MAGI2: variants seen among roughly 807,000 people sequenced by gnomAD.
The protein encoded by MAGI2 is membrane-associated guanylate kinase, WW and PDZ domain-containing protein 2.
MAGI2 carries 35 observed loss-of-function variants against 133.3 expected under a neutral mutation model. The observed-to-expected ratio is 0.26, with a 90% CI of 0.20 to 0.35. MAGI2 has a LOEUF of 0.35. Ranked by LOEUF, MAGI2 falls within the 10% of genes least tolerant of loss-of-function variation. MAGI2 has a pLI of 1.00. For missense variants in MAGI2, 1,636 were observed against 1,863.4 expected (o/e 0.88, Z 2.25); for synonymous variants, 729 against 710.6 (o/e 1.03, Z -0.41).
At chr7:79,399,069 A>AGTATTAT (rs1355304258) in intron 1 of MAGI2, among the ~76,000 whole-genome samples, 7 of 126,720 alleles carry the variant, frequency 5.5e-5, no homozygotes, top group East Asian at 2.8e-4. Context: ...TCAATTCACT[A>AGTATTAT]GTATTATTTC....
intron 2 of MAGI2, among the ~76,000 whole-genome samples, chr7:78,795,662 G>T (rs77791960): frequency 6.6e-6 from 1 of 151,712 alleles, no homozygotes; most frequent in African/African-American, 2.4e-5. Context: ...CCTAAAATTC[G>T]TACGGAATCA....
At chr7:78,917,816 C>T (rs1345946793) in intron 2 of MAGI2, among the ~76,000 whole-genome samples, 2 of 152,096 alleles carry the variant, frequency 1.3e-5, no homozygotes, top group African/African-American at 4.8e-5. Flanking sequence ...AAGCACTTTA[C>T]TTATGTTAAT....
Position 78,578,598 on chromosome 7 carries a change from G to C in MAGI2, c.538+48522C>G, listed in dbSNP as rs142614088. Among the ~76,000 whole-genome samples, 49 of 152,154 alleles carry C rather than the reference G, an allele frequency of 3.2e-4. No homozygotes were observed. In the East Asian group the frequency reaches 9.1e-3, roughly 28 times the overall value. Reference sequence around the variant, plus strand: ...CTCTAAAGCTAACTAGAATTATGGAGGATATATACAGAGAGAAATAGAAGA... The same window carrying C: ...CTCTAAAGCTAACTAGAATTATGGACGATATATACAGAGAGAAATAGAAGA... On this transcript the variant is annotated intron_variant, in intron 3 of 21. Transcript: ENST00000354212.
At chr7:78,509,839 G>T (rs1418594018) in intron 4 of MAGI2, among the ~76,000 whole-genome samples, 1 of 152,164 alleles carries the variant, frequency 6.6e-6, no homozygotes, top group African/African-American at 2.4e-5. Context: ...TTAACATGCA[G>T]CTTTCTGTAA....
chr7:79,103,354 A>T (rs568251973), intron 1 of MAGI2, among the ~76,000 whole-genome samples: 1 of 152,254 alleles, frequency 6.6e-6, no homozygotes, highest in Non-Finnish European at 1.5e-5. Flanking sequence ...CTTGTAGCAC[A>T]CTTCCTCCAG....
chr7:78,125,128 T>C (rs1380806943), intron 20 of MAGI2, among the ~76,000 whole-genome samples: 2 of 152,064 alleles, frequency 1.3e-5, no homozygotes, highest in Non-Finnish European at 2.9e-5. Context: ...CCTCCCAAAG[T>C]GCTAGGATTA....
At chr7:78,418,522 G>T (rs1394883232) in intron 6 of MAGI2, among the ~76,000 whole-genome samples, 1 of 152,152 alleles carries the variant, frequency 6.6e-6, no homozygotes, top group Non-Finnish European at 1.5e-5. Context: ...CAATACAGTA[G>T]CTGCTAGCAC....
intron 6 of MAGI2, among the ~76,000 whole-genome samples, chr7:78,448,676 T>G (rs961735236): frequency 1.3e-5 from 2 of 152,104 alleles, no homozygotes; most frequent in Non-Finnish European, 2.9e-5. Flanking sequence ...AAATGAGACC[T>G]TCTCATGTTA....
At chr7:78,521,365 G>T in intron 4 of MAGI2, 65 bp downstream of exon 4, 1 of 1,126,026 alleles carries the variant, frequency 8.9e-7, no homozygotes, top group Non-Finnish European at 1.4e-6. Flanking sequence ...GTGTATATGT[G>T]TACATATATA....
intron 6 of MAGI2, among the ~76,000 whole-genome samples, chr7:78,398,236 A>G (rs1473737039): frequency 6.6e-6 from 1 of 152,192 alleles, no homozygotes; most frequent in Non-Finnish European, 1.5e-5. Context: ...TCAGATAATA[A>G]TATCTGTTCT....
At chr7:79,395,268 G>A (rs1012803220) in intron 1 of MAGI2, among the ~76,000 whole-genome samples, 3 of 152,126 alleles carry the variant, frequency 2.0e-5, no homozygotes, top group Non-Finnish European at 4.4e-5. Context: ...CAGAAACCAT[G>A]TAATTATACA....
At chr7:78,876,003 A>T (rs1473147276) in intron 2 of MAGI2, among the ~76,000 whole-genome samples, 1 of 152,148 alleles carries the variant, frequency 6.6e-6, no homozygotes, top group African/African-American at 2.4e-5. Flanking sequence ...GAGAAACATG[A>T]TATTACAAAA....
intron 1 of MAGI2, among the ~76,000 whole-genome samples, chr7:79,035,808 A>G (rs902649514): frequency 6.6e-6 from 1 of 152,196 alleles, no homozygotes; most frequent in African/African-American, 2.4e-5. Context: ...CAAAAATGAA[A>G]TCATAAATGA....
intron 10 of MAGI2, among the ~76,000 whole-genome samples, chr7:78,245,875 C>CTT (rs1476742465): frequency 6.6e-6 from 1 of 152,162 alleles, no homozygotes; most frequent in South Asian, 2.1e-4. Context: ...GGCTACTGTG[C>CTT]TTTGCCATCT....
intron 2 of MAGI2, among the ~76,000 whole-genome samples, chr7:78,730,981 A>C (rs1821316857): frequency 6.6e-6 from 1 of 152,086 alleles, no homozygotes; most frequent in South Asian, 2.1e-4. Flanking sequence ...CTTTCTGTTT[A>C]ATACAATTTT....
At chr7:78,778,644 T>C (rs1432654028) in intron 2 of MAGI2, among the ~76,000 whole-genome samples, 1 of 152,170 alleles carries the variant, frequency 6.6e-6, no homozygotes, top group Non-Finnish European at 1.5e-5. Context: ...GGAAGCTATA[T>C]ACTCTGACTT....
chr7:79,205,705 G>C (rs1828988876), intron 1 of MAGI2, among the ~76,000 whole-genome samples: 2 of 151,614 alleles, frequency 1.3e-5, no homozygotes, highest in African/African-American at 4.9e-5. Context: ...TATAAACTGT[G>C]GCTTTAAAAA....
chr7:78,170,063 T>A (rs1238927377), intron 14 of MAGI2: 1 of 152,214 alleles, frequency 6.6e-6, no homozygotes, highest in Non-Finnish European at 1.5e-5. Context: ...AGAAAATGCT[T>A]CAACCTTTAG....
intron 5 of MAGI2, among the ~76,000 whole-genome samples, chr7:78,498,628 C>T (rs888867196): frequency 2.0e-5 from 3 of 152,106 alleles, no homozygotes; most frequent in African/African-American, 7.2e-5. Context: ...ATGGTATGGA[C>T]ATGAAGGACC....
Sources: allele counts gnomAD v4.1 joint callset (sites outside exome capture counted in the v4.1 genomes callset), GRCh38; gene constraint gnomAD v4.1.1; transcripts MANE v1.5; gene names NCBI Gene and HGNC (gene_info 2026-07-23, HGNC 2026-07-21).